PLCB4: variants seen among roughly 807,000 people sequenced by gnomAD.
PLCB4 encodes the protein phospholipase C beta 4.
Under a neutral mutation model 178.8 loss-of-function variants are expected in PLCB4, and 77 were observed. That is an observed-to-expected ratio of 0.43 (90% CI 0.36 to 0.52). The LOEUF is 0.52. Ranked by LOEUF, PLCB4 falls within the 20% of genes least tolerant of loss-of-function variation. The pLI is 0.00. For synonymous variants in PLCB4, 496 were observed against 490.8 expected (o/e 1.01, Z -0.14); for missense variants, 1,024 against 1,453.4 (o/e 0.70, Z 4.80).
intron 38 of PLCB4, among the ~76,000 whole-genome samples, chr20:9,475,444 G>A (rs1164729528): frequency 6.6e-6 from 1 of 152,144 alleles, no homozygotes; most frequent in Non-Finnish European, 1.5e-5. Context: ...TGTATTGGGA[G>A]GGTGCTGGCT....
At chr20:9,237,673 CA>C (rs1014250534) in intron 3 of PLCB4, among the ~76,000 whole-genome samples, 2 of 152,156 alleles carry the variant, frequency 1.3e-5, no homozygotes, top group Non-Finnish European at 2.9e-5. Flanking sequence ...GTAGTGCTAC[CA>C]AAGTTTGCAC....
intron 2 of PLCB4, among the ~76,000 whole-genome samples, chr20:9,177,023 G>C (rs2093167441): frequency 1.3e-5 from 2 of 152,084 alleles, no homozygotes; most frequent in African/African-American, 4.8e-5. Context: ...TGATGGACTG[G>C]TGGCGAAGAA....
At chr20:9,433,994 G>A (rs6118611) in intron 28 of PLCB4, among the ~76,000 whole-genome samples, 15,945 of 152,132 alleles carry the variant, frequency 0.1, 888 homozygotes, top group East Asian at 0.16. Context: ...GTAAATATAT[G>A]TAGAGGTATG....
intron 24 of PLCB4, among the ~76,000 whole-genome samples, chr20:9,409,841 C>A (rs1288309095): frequency 1.3e-5 from 2 of 151,728 alleles, no homozygotes; most frequent in African/African-American, 4.8e-5. Flanking sequence ...TGCTTAAGAG[C>A]CTAGGATCAC....
At chr20:9,407,887 A>T (rs1186984949) in intron 21 of PLCB4, 30 bp from the exon 22 acceptor site, 3 of 1,597,508 alleles carry the variant, frequency 1.9e-6, no homozygotes, top group East Asian at 4.5e-5. Context: ...GAAGTCATCA[A>T]CTTATATGTT....
At chr20:9,453,711 A>G (rs1216880504) in intron 33 of PLCB4, among the ~76,000 whole-genome samples, 1 of 152,236 alleles carries the variant, frequency 6.6e-6, no homozygotes, top group Admixed American at 6.5e-5. Context: ...TTAATTCATC[A>G]TAATTATTTC....
chr20:9,140,531 G>A (rs73609436), intron 2 of PLCB4, among the ~76,000 whole-genome samples: 7 of 151,792 alleles, frequency 4.6e-5, no homozygotes, highest in Admixed American at 6.6e-5. Flanking sequence ...ATATGATCCC[G>A]AATGTTGGAG....
chr20:9,187,953 G>A (rs781680839), intron 2 of PLCB4, among the ~76,000 whole-genome samples: 6 of 152,150 alleles, frequency 3.9e-5, no homozygotes, highest in Non-Finnish European at 2.9e-5. Flanking sequence ...ATATGGCTCT[G>A]GTAGTGAATC....
intron 3 of PLCB4, among the ~76,000 whole-genome samples, chr20:9,228,526 G>T (rs1293352355): frequency 6.6e-6 from 1 of 152,144 alleles, no homozygotes; most frequent in Non-Finnish European, 1.5e-5. Flanking sequence ...CTGAGAGATT[G>T]TTCCTGGGGG....
At chr20:9,283,516 C>A (rs998747370) in intron 3 of PLCB4, among the ~76,000 whole-genome samples, 1 of 151,860 alleles carries the variant, frequency 6.6e-6, no homozygotes, top group African/African-American at 2.4e-5. Context: ...TTTATAGTCT[C>A]GAACATTACA....
At position 9,480,776 on chromosome 20, in the gene PLCB4, G is replaced by C. The variant is rs2044816633; in HGVS notation, c.*1767G>C. ...CACTAACATCTCATGAAAAATTATG[G>C]TTAATAAAATATCACCACATTTGGA... On this transcript the variant is annotated 3_prime_UTR_variant, in exon 40 of 40. Coordinates refer to ENST00000378473, the MANE Select transcript of PLCB4 (RefSeq NM_001377142.1). 1 of 152,046 alleles carries C rather than the reference G, an allele frequency of 6.6e-6. No homozygotes were observed. Among genetic ancestry groups the C allele is most frequent in the Admixed American group, 6.6e-5 (1 of 15,266 alleles). 9.4% of individuals were successfully genotyped at this position (152,046 alleles called of 1,614,324 possible).
At chr20:9,175,432 A>G (rs2093138418) in intron 2 of PLCB4, among the ~76,000 whole-genome samples, 1 of 152,176 alleles carries the variant, frequency 6.6e-6, no homozygotes, top group African/African-American at 2.4e-5. Context: ...CTCAGTTCCA[A>G]TAAATTGTCC....
chr20:9,310,658 GCCAAGA>G (rs1555785756), intron 4 of PLCB4, among the ~76,000 whole-genome samples: 8 of 152,086 alleles, frequency 5.3e-5, no homozygotes, highest in Non-Finnish European at 2.9e-5. Flanking sequence ...GGTGCAGTGA[GCCAAGA>G]TCACGCCCCC....
At chr20:9,074,073 C>T (rs1020580581) in intron 1 of PLCB4, among the ~76,000 whole-genome samples, 1 of 152,122 alleles carries the variant, frequency 6.6e-6, no homozygotes, top group African/African-American at 2.4e-5. Flanking sequence ...CTGAGATCTT[C>T]AGGCGTTGGA....
At chr20:9,114,361 T>A (rs953962922) in intron 2 of PLCB4, among the ~76,000 whole-genome samples, 23 of 151,836 alleles carry the variant, frequency 1.5e-4, no homozygotes, top group Non-Finnish European at 3.1e-4. Context: ...ATGGCAATGT[T>A]GAGTTAAGCT....
In PLCB4 at chr20:9,371,308, TTAA is replaced by T; in HGVS notation, c.585+18_585+20del. The T allele has an allele frequency of 7.1e-7, 1 of 1,405,790 alleles. No homozygotes were observed. Among genetic ancestry groups the T allele is most frequent in the Non-Finnish European group, 1.0e-6 (1 of 994,794 alleles). The allele number at this position is 1,405,790 out of a possible 1,614,324, so 87.1% of individuals were successfully genotyped here. A position where few individuals can be genotyped will look rare whatever the true frequency, so the allele number is the denominator to read the frequency against. ...TCCCAGTGGAAAGGTATGCATTAAC[TTAA>T]TAATGTATTTCTAAAACCATTTTGT... On this transcript the variant is annotated intron_variant, in intron 10 of 39. Transcript: ENST00000378473.
At chr20:9,379,525 C>G (rs1568688811) in intron 12 of PLCB4, among the ~76,000 whole-genome samples, 1 of 151,922 alleles carries the variant, frequency 6.6e-6, no homozygotes, top group Non-Finnish European at 1.5e-5. Flanking sequence ...TTGTTGAGTG[C>G]CCAAGAAATC....
chr20:9,352,235 T>C (rs1402136240), intron 7 of PLCB4, among the ~76,000 whole-genome samples: 1 of 152,210 alleles, frequency 6.6e-6, no homozygotes, highest in Admixed American at 6.5e-5. Context: ...ACATCATGTG[T>C]TGTATATCTA....
chr20:9,411,558 T>C (rs2039860770), intron 25 of PLCB4, among the ~76,000 whole-genome samples: 1 of 152,214 alleles, frequency 6.6e-6, no homozygotes, highest in Non-Finnish European at 1.5e-5. Context: ...CTTTTTTGTG[T>C]CTTGTAAGTA....
Sources: gnomAD v4.1 joint callset for allele counts (sites outside exome capture counted in the v4.1 genomes callset) on GRCh38, gnomAD v4.1.1 for gene constraint, MANE v1.5 for transcripts, NCBI Gene and HGNC (gene_info 2026-07-23, HGNC 2026-07-21) for gene names.